Variants in SPAG16 observed in about 807,000 individuals in gnomAD.
The protein encoded by SPAG16 is sperm-associated antigen 16 protein.
A neutral mutation model predicts 80.4 loss-of-function variants in SPAG16; 86 were observed. That is an observed-to-expected ratio of 1.07 (90% confidence interval 0.90 to 1.28). SPAG16 has a LOEUF of 1.28. SPAG16 is among the 50% of genes most tolerant of loss of function. The pLI, the probability that SPAG16 is intolerant of heterozygous loss-of-function variation, is 0.00. For missense variants in SPAG16, 870 were observed against 765.3 expected, an observed-to-expected ratio of 1.14 and a Z score of -1.61; for synonymous variants, 294 against 265.9, an observed-to-expected ratio of 1.11 and a Z score of -1.03.
chr2:214,128,810 G>T (rs2054615564), intron 14 of SPAG16, among the ~76,000 whole-genome samples: 1 of 151,746 alleles, frequency 6.6e-6, no homozygotes, highest in African/African-American at 2.4e-5. Context: ...CTTGAACTTT[G>T]TTCTGGAATG....
intron 8 of SPAG16, chr2:213,365,303 T>C (rs778522159): frequency 6.6e-6 from 1 of 152,198 alleles, no homozygotes; most frequent in Non-Finnish European, 1.5e-5. Context: ...ATTTAGCAGA[T>C]AGAAAGTGCT....
chr2:214,118,777 CT>C lies in SPAG16; in HGVS notation c.1593+10517del, dbSNP rs1204829704. On this transcript the variant is annotated intron_variant, in intron 14 of 15. Coordinates refer to ENST00000331683, the MANE Select transcript of SPAG16 (RefSeq NM_024532.5). ...CAGCCAAACCATATCAATGTCCATA[CT>C]GCCCAAAGTGATCTACAAATTCAGT... Among the ~76,000 whole-genome samples, 5 of 148,712 alleles carry C rather than the reference CT, an allele frequency of 3.4e-5. No homozygotes were observed. The South Asian group carries it at 1.2e-3, about 35-fold the overall frequency.
rs550475472 is a variant in SPAG16 at position 214,320,645 on chromosome 2, G to A, written c.1721-89495G>A. On this transcript the variant is annotated intron_variant, in intron 15 of 15. Transcript: ENST00000331683. Reference sequence around the variant, plus strand: ...ACCTTCTTCACAGTGCAGTAGGAAGGAGAAGGGCTGTGCAAAGGGGGCAGG... The same window carrying A: ...ACCTTCTTCACAGTGCAGTAGGAAGAAGAAGGGCTGTGCAAAGGGGGCAGG... Among the ~76,000 whole-genome samples, 4 of 152,262 alleles carry A rather than the reference G, an allele frequency of 2.6e-5. No individual in the cohort carries two copies. In the South Asian group the frequency reaches 8.3e-4, roughly 32 times the overall value.
chr2:213,544,949 G>T lies in SPAG16; in HGVS notation c.1070+54859G>T, dbSNP rs548625590. Among the ~76,000 whole-genome samples the T allele has an allele frequency of 3.3e-5, 5 of 152,214 alleles. No individual in the cohort carries two copies. In the East Asian group the frequency reaches 9.7e-4, roughly 29 times the overall value. On this transcript the variant is annotated intron_variant, in intron 10 of 15. Transcript: ENST00000331683. ...AAGGACAGCTTGGTTGCTTCCAAGT[G>T]TTGAAAATTGTGAAGAAAGCTGCTA...
chr2:213,492,845 T>C (rs1200063789), intron 10 of SPAG16, among the ~76,000 whole-genome samples: 1 of 152,170 alleles, frequency 6.6e-6, no homozygotes, highest in Non-Finnish European at 1.5e-5. Context: ...GGAAATAATA[T>C]CAATAACAAT....
At chr2:213,441,303 T>C (rs2070938000) in intron 9 of SPAG16, among the ~76,000 whole-genome samples, 1 of 152,228 alleles carries the variant, frequency 6.6e-6, no homozygotes, top group Admixed American at 6.5e-5. Context: ...TGATATGTTA[T>C]CCATCTATGA....
chr2:213,942,510 T>C (rs1469863724), intron 12 of SPAG16, among the ~76,000 whole-genome samples: 1 of 152,186 alleles, frequency 6.6e-6, no homozygotes, highest in Non-Finnish European at 1.5e-5. Context: ...ATTTCCCTTT[T>C]CTCTGGATGT....
chr2:214,081,401 T>C (rs1219917457), intron 13 of SPAG16, among the ~76,000 whole-genome samples: 2 of 152,164 alleles, frequency 1.3e-5, no homozygotes, highest in Non-Finnish European at 2.9e-5. Context: ...TTTGCAGATG[T>C]AATTACTTAA....
intron 10 of SPAG16, among the ~76,000 whole-genome samples, chr2:213,742,541 T>C (rs1004780926): frequency 2.4e-5 from 2 of 82,402 alleles, no homozygotes; most frequent in Non-Finnish European, 2.6e-5. Flanking sequence ...CTTATTTTGC[T>C]TATTTCTTTT....
chr2:213,297,216 A>C, intron 2 of SPAG16, 46 bp from the exon 3 acceptor site: 1 of 1,516,544 alleles, frequency 6.6e-7, no homozygotes, highest in Non-Finnish European at 9.0e-7. Context: ...AAAGTATTTT[A>C]TATTTCTGCT....
chr2:214,101,072 A>G (rs2052983748), intron 13 of SPAG16, among the ~76,000 whole-genome samples: 1 of 151,136 alleles, frequency 6.6e-6, no homozygotes, highest in Admixed American at 6.6e-5. Context: ...TTATTTTATG[A>G]TTTAATTTTG....
At position 214,327,929 on chromosome 2, in the gene SPAG16, C is replaced by G. The variant is rs141989677; in HGVS notation, c.1721-82211C>G. Among the ~76,000 whole-genome samples, 132 of 152,242 alleles carry G rather than the reference C, an allele frequency of 8.7e-4. 3 individuals are homozygous for G. The South Asian group carries it at 0.015, about 17-fold the overall frequency. Reference sequence around the variant, plus strand: ...TAATAAGTCACTTATCTAATTGATACTAGAGTATCAGCAGGGTGGGTTATG... The same window carrying G: ...TAATAAGTCACTTATCTAATTGATAGTAGAGTATCAGCAGGGTGGGTTATG... On this transcript the variant is annotated intron_variant, in intron 15 of 15. Coordinates refer to ENST00000331683, the MANE Select transcript of SPAG16 (RefSeq NM_024532.5).
chr2:213,963,652 A>T (rs114044342), intron 12 of SPAG16, among the ~76,000 whole-genome samples: 2,778 of 152,126 alleles, frequency 0.018, 90 homozygotes, highest in African/African-American at 0.063. Context: ...GCTTTTGTTG[A>T]ATTGTTTATT....
At chr2:213,670,782 C>A (rs543887641) in intron 10 of SPAG16, among the ~76,000 whole-genome samples, 1 of 152,220 alleles carries the variant, frequency 6.6e-6, no homozygotes, top group Non-Finnish European at 1.5e-5. Context: ...AATGTGTTTA[C>A]AATATTTTAG....
intron 15 of SPAG16, among the ~76,000 whole-genome samples, chr2:214,203,640 T>C (rs1487370026): frequency 1.3e-5 from 2 of 151,994 alleles, no homozygotes; most frequent in Non-Finnish European, 2.9e-5. Context: ...AATATGGGAA[T>C]AGAAGAAGCA....
At position 213,697,018 on chromosome 2, in the gene SPAG16, C is replaced by T. The variant is rs2065183547; in HGVS notation, c.1071-165467C>T. Among the ~76,000 whole-genome samples, 3 of 152,102 alleles carry T rather than the reference C, an allele frequency of 2.0e-5. No individual in the cohort carries two copies. The South Asian group carries it at 6.2e-4, about 32-fold the overall frequency. ...AGAGGATACTTGCAGGAACCAAGTT[C>T]ATTAGAAAGTGAGTCGCAGATGGAG... On this transcript the variant is annotated intron_variant, in intron 10 of 15. Coordinates refer to ENST00000331683, the MANE Select transcript of SPAG16 (RefSeq NM_024532.5).
chr2:213,881,025 T>C (rs906639079), intron 11 of SPAG16, among the ~76,000 whole-genome samples: 4 of 152,170 alleles, frequency 2.6e-5, no homozygotes, highest in African/African-American at 9.7e-5. Flanking sequence ...TGTAGTTTGA[T>C]AGGAATGGCA....
At chr2:214,194,903 A>T (rs1193909041) in intron 15 of SPAG16, among the ~76,000 whole-genome samples, 1 of 152,096 alleles carries the variant, frequency 6.6e-6, no homozygotes. Flanking sequence ...ATTACACAGC[A>T]TCCATATGTG....
chr2:213,580,243 A>T (rs1445742702), intron 10 of SPAG16, among the ~76,000 whole-genome samples: 2 of 152,104 alleles, frequency 1.3e-5, no homozygotes, highest in Non-Finnish European at 2.9e-5. Context: ...TTACCATTAG[A>T]TCATGACCCC....
Sources: allele counts gnomAD v4.1 joint callset (sites outside exome capture counted in the v4.1 genomes callset), GRCh38; gene constraint gnomAD v4.1.1; transcripts MANE v1.5; gene names NCBI Gene and HGNC (gene_info 2026-07-23, HGNC 2026-07-21).